The following INVS variants were observed in gnomAD, a reference collection of about 807,000 sequenced individuals.
INVS encodes the protein inversin.
Under a neutral mutation model 108.8 loss-of-function variants are expected in INVS, and 86 were observed. The observed-to-expected ratio is 0.79, with a 90% CI of 0.66 to 0.95. The LOEUF is 0.95. Ranked by LOEUF, INVS falls within the 40% of genes least tolerant of loss-of-function variation. INVS has a pLI of 0.00. For missense variants in INVS, 1,169 were observed against 1,297.4 expected (o/e 0.90, Z 1.52); for synonymous variants, 455 against 473.5 (o/e 0.96, Z 0.51).
intron 16 of INVS, among the ~76,000 whole-genome samples, chr9:100,299,757 T>G (rs1833909300): frequency 6.6e-6 from 1 of 151,966 alleles, no homozygotes. Flanking sequence ...ATAACTGTGA[T>G]TATTAGTATT....
chr9:100,139,718 C>G (rs891482263), intron 3 of INVS, among the ~76,000 whole-genome samples: 6 of 152,214 alleles, frequency 3.9e-5, no homozygotes, highest in African/African-American at 1.4e-4. Context: ...TCAGGGCTCA[C>G]TGCAGCTTCA....
chr9:100,240,004 A>T, intron 5 of INVS, 56 bp from the exon 6 acceptor site: 1 of 1,454,150 alleles, frequency 6.9e-7, no homozygotes, highest in South Asian at 1.1e-5. Context: ...CTTACACCAA[A>T]TGTAATTTAT....
chr9:100,222,416 T>A (rs966927796), intron 3 of INVS, among the ~76,000 whole-genome samples: 1 of 152,212 alleles, frequency 6.6e-6, no homozygotes, highest in Non-Finnish European at 1.5e-5. Context: ...GAAACAAAGA[T>A]GAAATTATGT....
At chr9:100,171,714 CA>C (rs1236354556) in intron 3 of INVS, among the ~76,000 whole-genome samples, 1 of 152,100 alleles carries the variant, frequency 6.6e-6, no homozygotes, top group African/African-American at 2.4e-5. Flanking sequence ...TTCTGATCAC[CA>C]AATTCATATA....
chr9:100,246,574 C>A, intron 7 of INVS, 42 bp from the exon 8 acceptor site: 1 of 1,429,852 alleles, frequency 7.0e-7, no homozygotes, highest in Non-Finnish European at 9.8e-7. Flanking sequence ...ACAGAAAATA[C>A]TACTGTTTTG....
intron 10 of INVS, among the ~76,000 whole-genome samples, chr9:100,255,320 A>G (rs1284052017): frequency 6.6e-6 from 1 of 152,204 alleles, no homozygotes; most frequent in East Asian, 1.9e-4. Flanking sequence ...TTCGGCTGAG[A>G]CAATGGGGTT....
At chr9:100,146,984 G>A (rs1828639080) in intron 3 of INVS, among the ~76,000 whole-genome samples, 1 of 152,112 alleles carries the variant, frequency 6.6e-6, no homozygotes, top group African/African-American at 2.4e-5. Context: ...TTTAGTCACT[G>A]GAGTTTAAAA....
At chr9:100,144,108 T>C (rs1828525295) in intron 3 of INVS, among the ~76,000 whole-genome samples, 1 of 151,954 alleles carries the variant, frequency 6.6e-6, no homozygotes, top group South Asian at 2.1e-4. Flanking sequence ...GGAGGAATCC[T>C]GGGCTGCGGG....
At chr9:100,161,053 G>T (rs1401253828) in intron 3 of INVS, among the ~76,000 whole-genome samples, 1 of 151,258 alleles carries the variant, frequency 6.6e-6, no homozygotes, top group Non-Finnish European at 1.5e-5. Context: ...TTTAGTCTAG[G>T]CAGTTGTCTT....
chr9:100,221,897 T>G (rs1338967650), intron 3 of INVS, among the ~76,000 whole-genome samples: 1 of 152,144 alleles, frequency 6.6e-6, no homozygotes, highest in Non-Finnish European at 1.5e-5. Context: ...TGTGCCTAAT[T>G]TATAAATTAA....
At chr9:100,170,571 AAAAT>A (rs1829505472) in intron 3 of INVS, among the ~76,000 whole-genome samples, 2 of 151,706 alleles carry the variant, frequency 1.3e-5, no homozygotes, top group South Asian at 4.2e-4. Context: ...TCTCAAAAAA[AAAAT>A]AAAATAAAAA....
chr9:100,175,736 G>A (rs760906490), intron 3 of INVS: 32 of 629,944 alleles, frequency 5.1e-5, no homozygotes, highest in Non-Finnish European at 8.5e-5. Context: ...AGAGCAACCA[G>A]ACCTGTAGCA....
Position 100,300,897 on chromosome 9 carries a change from G to A in INVS, c.*223G>A, listed in dbSNP as rs1833946445. The stretch of plus-strand genomic sequence containing the variant: ...AACACAGCCTGCACTGAAAGGACCT[G>A]CATAGACTATGTCTGTGCAAAGTGC... On this transcript the variant is annotated 3_prime_UTR_variant, in exon 17 of 17. Coordinates refer to ENST00000262457, the MANE Select transcript of INVS (RefSeq NM_014425.5). 7 of 579,474 alleles carry A rather than the reference G, an allele frequency of 1.2e-5. No homozygotes were observed. The South Asian group carries it at 1.4e-4, about 11-fold the overall frequency. 35.9% of individuals were successfully genotyped at this position (579,474 alleles called of 1,614,324 possible).
In INVS at chr9:100,292,635, GGC is replaced by G; in HGVS notation, c.2381_2382del (p.Arg794HisfsTer15). 1 of 1,614,186 alleles carries G rather than the reference GGC, an allele frequency of 6.2e-7. No homozygotes were observed. The highest frequency in any genetic ancestry group is 8.5e-7 in the Non-Finnish European group (1 of 1,180,026). The stretch of plus-strand genomic sequence containing the variant: ...AAGGCCAAATGTGCCCCCCAGAAAA[GGC>G]GCACTCAAGAGCTCAGAGGAGGAAG... On this transcript the variant is annotated frameshift_variant, in exon 14 of 17. Transcript: ENST00000262457. LOFTEE classifies it high-confidence loss of function.
chr9:100,225,849 G>A (rs1215852276), intron 3 of INVS, among the ~76,000 whole-genome samples: 1 of 152,038 alleles, frequency 6.6e-6, no homozygotes, highest in East Asian at 1.9e-4. Flanking sequence ...CAGCCACTAT[G>A]TAAATTATAT....
intron 16 of INVS, among the ~76,000 whole-genome samples, chr9:100,300,037 C>T (rs1211084128): frequency 6.6e-6 from 1 of 152,140 alleles, no homozygotes; most frequent in Non-Finnish European, 1.5e-5. Context: ...TCATATGGGG[C>T]CTCAGTATCA....
At chr9:100,254,895 T>C (rs917866119) in intron 10 of INVS, among the ~76,000 whole-genome samples, 1 of 152,224 alleles carries the variant, frequency 6.6e-6, no homozygotes, top group Non-Finnish European at 1.5e-5. Flanking sequence ...GTCTTGGCAA[T>C]GCGGGCTCTT....
chr9:100,172,712 A>C (rs949110305), intron 3 of INVS, among the ~76,000 whole-genome samples: 1 of 152,212 alleles, frequency 6.6e-6, no homozygotes, highest in African/African-American at 2.4e-5. Context: ...AAAAACAAGT[A>C]GATAGAGAGT....
chr9:100,218,899 A>G (rs1250945772), intron 3 of INVS, among the ~76,000 whole-genome samples: 1 of 152,114 alleles, frequency 6.6e-6, no homozygotes, highest in African/African-American at 2.4e-5. Flanking sequence ...GTAGGAGCAG[A>G]TTGTTATAAT....
Sources: gnomAD v4.1 joint callset for allele counts (sites outside exome capture counted in the v4.1 genomes callset) on GRCh38, gnomAD v4.1.1 for gene constraint, MANE v1.5 for transcripts, NCBI Gene and HGNC (gene_info 2026-07-23, HGNC 2026-07-21) for gene names.